ZNF860: variants seen among roughly 807,000 people sequenced by gnomAD.
ZNF860 encodes the protein zinc finger protein 860.
For synonymous variants in ZNF860, 206 were observed against 248.9 expected, an observed-to-expected ratio of 0.83 and a Z score of 1.62; for missense variants, 641 against 759.2, an observed-to-expected ratio of 0.84 and a Z score of 1.83.
At chr3:31,999,938 A>G in the ZNF860 span, among the ~76,000 whole-genome samples, 1 of 152,196 alleles carries the variant, frequency 6.6e-6, no homozygotes, top group Admixed American at 6.5e-5. Context: ...CAAAATGTTC[A>G]TAAGAGCCTC....
In ZNF860 at chr3:31,986,603, TA is replaced by T. The variant is rs201596415; in HGVS notation, c.-420-2056del. Among the ~76,000 whole-genome samples the T allele has an allele frequency of 6.8e-3, 1,032 of 152,248 alleles. 8 individuals carry two copies. The highest frequency in any genetic ancestry group is 0.023 in the African/African-American group (962 of 41,548). ...TACTAAAAATACAAAAAAAAGTTTA[TA>T]TTTTTTTATACGAAAAAATACAAAT... On this transcript the variant is annotated intron_variant, in intron 1 of 1. Coordinates refer to ENST00000360311, the MANE Select transcript of ZNF860 (RefSeq NM_001137674.3).
In ZNF860 at chr3:31,990,901, C is replaced by T; in HGVS notation, c.1822C>T (p.His608Tyr). 8.3e-6 allele frequency: 13 copies of T among 1,575,422 alleles called. No individual in the cohort carries two copies. Among genetic ancestry groups the T allele is most frequent in the African/African-American group, 2.7e-5 (2 of 74,016 alleles). Residue 608 changes from histidine to tyrosine, a missense_variant, in exon 2 of 2, where the codon CAT becomes TAT. Transcript: ENST00000360311. ...TGGCAAAGCCTTTACTTCACATTCA[C>T]ATCGCATTAGACATCAGAGAATCCA... The part of the protein sequence containing the change: ...DCGKAFTSHS[H>Y]RIRHQRIHTG...
the ZNF860 span, among the ~76,000 whole-genome samples, chr3:32,005,803 G>A: frequency 1.3e-5 from 2 of 152,048 alleles, no homozygotes; most frequent in African/African-American, 4.8e-5. Flanking sequence ...TAGCCGCATG[G>A]TCTCAGTCTC....
chr3:31,998,266 AG>A, the ZNF860 span, among the ~76,000 whole-genome samples: 1 of 152,158 alleles, frequency 6.6e-6, no homozygotes, highest in Non-Finnish European at 1.5e-5. Flanking sequence ...CCCAGATGAA[AG>A]GGAAGAAATG....
chr3:31,988,231 A>G (rs1376128049), intron 1 of ZNF860, among the ~76,000 whole-genome samples: 1 of 152,138 alleles, frequency 6.6e-6, no homozygotes. Flanking sequence ...CTTTAGTTTC[A>G]CAGATCAGAG....
downstream of ZNF860, among the ~76,000 whole-genome samples, chr3:31,992,960 G>A (rs2125524175): frequency 6.6e-6 from 1 of 152,190 alleles, no homozygotes; most frequent in African/African-American, 2.4e-5. Context: ...CTGTGATCAT[G>A]CCACTGCACT....
chr3:31,989,530 A>G lies in ZNF860; in HGVS notation c.451A>G (p.Ile151Val), dbSNP rs1305135085. The change falls in exon 2 of 2, where the codon ATC (isoleucine) becomes GTC (valine). Residue 151 changes from isoleucine (I) to valine (V), a missense_variant. Transcript: ENST00000360311. Reference protein sequence around the residue: ...YDRRHPGNKPIKDQLGLSFHS... With the variant: ...YDRRHPGNKPVKDQLGLSFHS... ...TCGAAGGCATCCTGGAAACAAGCCT[A>G]TCAAAGATCAGCTTGGATTAAGCTT... is the stretch of plus-strand genomic sequence containing the variant. 24 of 1,614,124 alleles carry G rather than the reference A, an allele frequency of 1.5e-5. No individual in the cohort carries two copies. The highest frequency in any genetic ancestry group is 2.0e-5 in the Non-Finnish European group (24 of 1,180,048).
chr3:31,985,864 C>T (rs571643554), intron 1 of ZNF860, among the ~76,000 whole-genome samples: 2 of 152,186 alleles, frequency 1.3e-5, no homozygotes, highest in African/African-American at 4.8e-5. Context: ...TCACAACAAC[C>T]ACATGAGGAG....
chr3:31,999,258 C>A, the ZNF860 span, among the ~76,000 whole-genome samples: 1 of 152,034 alleles, frequency 6.6e-6, no homozygotes, highest in Non-Finnish European at 1.5e-5. Context: ...ACCTGATTCC[C>A]CTATGTCAGT....
At chr3:32,005,010 A>T in the ZNF860 span, among the ~76,000 whole-genome samples, 1 of 152,200 alleles carries the variant, frequency 6.6e-6, no homozygotes, top group Admixed American at 6.5e-5. Flanking sequence ...AAAATCATAC[A>T]GAAGTGGTAT....
the ZNF860 span, among the ~76,000 whole-genome samples, chr3:32,005,969 G>A: frequency 6.6e-6 from 1 of 151,452 alleles, no homozygotes; most frequent in African/African-American, 2.4e-5. Context: ...TTTTGAGACA[G>A]AGTCTTGCTC....
chr3:31,985,600 A>C (rs1698923825), intron 1 of ZNF860, among the ~76,000 whole-genome samples: 1 of 152,210 alleles, frequency 6.6e-6, no homozygotes, highest in South Asian at 2.1e-4. Context: ...GAGGATGTTC[A>C]TGGACCAGCA....
chr3:31,983,960 A>C (rs1698898265), intron 1 of ZNF860, among the ~76,000 whole-genome samples: 1 of 152,206 alleles, frequency 6.6e-6, no homozygotes, highest in Non-Finnish European at 1.5e-5. Context: ...GGGCCAGCCA[A>C]GCTGGAGCAC....
At chr3:31,994,857 C>T (rs1364474528), downstream of ZNF860, among the ~76,000 whole-genome samples, 1 of 152,110 alleles carries the variant, frequency 6.6e-6, no homozygotes, top group Admixed American at 6.6e-5. Flanking sequence ...TTCTATTTTC[C>T]CTAAGTGTCG....
chr3:31,996,848 G>A, the ZNF860 span, among the ~76,000 whole-genome samples: 42 of 152,270 alleles, frequency 2.8e-4, no homozygotes, highest in Non-Finnish European at 4.3e-4. Flanking sequence ...GGACAGGTAG[G>A]AAGTTCAGTT....
In ZNF860 at chr3:31,990,450, T is replaced by G. The variant is rs144696614; in HGVS notation, c.1371T>G (p.Asn457Lys). The change falls in exon 2 of 2, where the codon AAT becomes AAG. Residue 457 changes from asparagine (N) to lysine (K), a missense_variant. Transcript: ENST00000360311. Reference protein sequence around the residue: ...THTGEKPYKCNECGKTFHHNS... With the variant: ...THTGEKPYKCKECGKTFHHNS... Reference sequence around the variant, plus strand: ...CTGGAGAGAAACCTTACAAGTGTAATGAGTGTGGCAAGACCTTCCATCACA... The same window carrying G: ...CTGGAGAGAAACCTTACAAGTGTAAGGAGTGTGGCAAGACCTTCCATCACA... The G allele has an allele frequency of 9.3e-4, 1,459 of 1,563,244 alleles. 106 individuals carry two copies. In the African/African-American group the frequency reaches 0.019, roughly 20 times the overall value.
At chr3:31,998,366 A>G in the ZNF860 span, among the ~76,000 whole-genome samples, 1 of 152,170 alleles carries the variant, frequency 6.6e-6, no homozygotes, top group Non-Finnish European at 1.5e-5. Context: ...CTCAGAAAAA[A>G]TTCCATGTGA....
Position 31,989,762 on chromosome 3 carries a change from A to G in ZNF860, c.683A>G (p.Lys228Arg). 6.2e-7 allele frequency: 1 copy of G among 1,614,188 alleles called. No homozygotes were observed. The highest frequency in any genetic ancestry group is 1.3e-5 in the African/African-American group (1 of 75,068). ...AAACAGGAAGTACACATAAGAGAAA[A>G]ATCTTTCCAATGTAATGAGAGTGGC... ...TLKQEVHIREKSFQCNESGKA... is the reference protein window; with the variant it reads ...TLKQEVHIRERSFQCNESGKA... Residue 228 changes from lysine to arginine, a missense_variant, in exon 2 of 2, where the codon AAA (lysine) becomes AGA (arginine). Coordinates refer to ENST00000360311, the MANE Select transcript of ZNF860 (RefSeq NM_001137674.3).
chr3:31,992,709 C>G (rs1472036664), downstream of ZNF860, among the ~76,000 whole-genome samples: 3 of 152,178 alleles, frequency 2.0e-5, no homozygotes, highest in Admixed American at 1.3e-4. Flanking sequence ...ACAAACAAAC[C>G]TTGGCCAGGC....
Sources: allele counts gnomAD v4.1 joint callset (sites outside exome capture counted in the v4.1 genomes callset), GRCh38; gene constraint gnomAD v4.1.1; transcripts MANE v1.5; gene names NCBI Gene and HGNC (gene_info 2026-07-23, HGNC 2026-07-21).